The following SPEN variants were observed in gnomAD, a reference collection of about 807,000 sequenced individuals.
SPEN encodes the protein msx2-interacting protein.
In SPEN, 18 loss-of-function variants were observed where a neutral mutation model predicts 269.9. That is an observed-to-expected ratio of 0.07 (90% CI 0.05 to 0.10). SPEN has a LOEUF of 0.10. Among genes scored for constraint, SPEN ranks in the 10% least tolerant of loss-of-function variants. The pLI is 1.00. For missense variants in SPEN, 3,822 were observed against 4,631.2 expected (o/e 0.83, Z 5.07); for synonymous variants, 1,726 against 1,765.7 (o/e 0.98, Z 0.56).
chr1:15,874,116 T>C (rs757568521), intron 2 of SPEN: 4 of 1,361,996 alleles, frequency 2.9e-6, no homozygotes, highest in Non-Finnish European at 3.9e-6. Flanking sequence ...GAAATATTTA[T>C]GAATGTGGAT....
intron 6 of SPEN, among the ~76,000 whole-genome samples, chr1:15,917,129 A>G: frequency 6.6e-6 from 1 of 152,206 alleles, no homozygotes; most frequent in East Asian, 1.9e-4. Context: ...CCCTGTCTCC[A>G]AAAATAGAAG....
At chr1:15,913,891 C>T (rs1432618341) in intron 5 of SPEN, among the ~76,000 whole-genome samples, 1 of 152,068 alleles carries the variant, frequency 6.6e-6, no homozygotes, top group Non-Finnish European at 1.5e-5. Context: ...AGAAAATGCA[C>T]CAGGCAGGCC....
chr1:15,899,423 G>T (rs1160824727), intron 3 of SPEN, among the ~76,000 whole-genome samples: 1 of 151,954 alleles, frequency 6.6e-6, no homozygotes. Context: ...CAAGTGATCT[G>T]CCTGCCTCGC....
intron 5 of SPEN, among the ~76,000 whole-genome samples, chr1:15,914,620 C>T (rs1180482320): frequency 2.0e-5 from 3 of 151,958 alleles, no homozygotes; most frequent in Admixed American, 6.6e-5. Context: ...GTCAGGAGTT[C>T]GAGAGTAGCC....
At position 15,931,500 on chromosome 1, in the gene SPEN, G is replaced by A. The variant is rs1176124993; in HGVS notation, c.5260G>A (p.Asp1754Asn). Residue 1754 changes from aspartate to asparagine, a missense_variant, in exon 11 of 15, where the codon GAC becomes AAC. Physicochemically the swap from Asp to Asn is conservative, Grantham distance 23. Coordinates refer to ENST00000375759, the MANE Select transcript of SPEN (RefSeq NM_015001.3). The surrounding 1 kb of genome is among the most constrained non-coding windows in gnomAD (Gnocchi z 4.8). ...AGAGAGCAACGTAGATCCAGAGCCT[G>A]ACAGTACCCAGCCACTTTCAAAACC... ...QAESNVDPEP[D>N]STQPLSKPAQ... The A allele has an allele frequency of 6.2e-7, 1 of 1,614,044 alleles. No homozygotes were observed. The highest frequency in any genetic ancestry group is 1.3e-5 in the African/African-American group (1 of 74,894).
chr1:15,939,489 A>G lies in SPEN; in HGVS notation c.*62A>G, dbSNP rs2071314704. ...GGGCTCTGCAGTAAAAACAAAGGAC[A>G]ACCCAGCCAAGCAGAGGAAGAAGCT... is the stretch of plus-strand genomic sequence containing the variant. On this transcript the variant is annotated 3_prime_UTR_variant, in exon 15 of 15. Transcript: ENST00000375759. The surrounding 1 kb of genome is among the most constrained non-coding windows in gnomAD (Gnocchi z 4.1). The G allele has an allele frequency of 2.0e-6, 3 of 1,466,810 alleles. No individual in the cohort carries two copies. Among genetic ancestry groups the G allele is most frequent in the Admixed American group, 2.4e-5 (1 of 41,700 alleles). The allele number at this position is 1,466,810 out of a possible 1,614,324, so 90.9% of individuals were successfully genotyped here.
intron 11 of SPEN, among the ~76,000 whole-genome samples, chr1:15,936,675 G>A (rs993631736): frequency 4.7e-5 from 7 of 149,438 alleles, no homozygotes; most frequent in Non-Finnish European, 8.9e-5. Context: ...AGTGGCTCAC[G>A]CCTGTAATCC....
At chr1:15,898,215 TAAAA>T (rs1005034076) in intron 3 of SPEN, among the ~76,000 whole-genome samples, 1 of 139,878 alleles carries the variant, frequency 7.1e-6, no homozygotes, top group African/African-American at 2.8e-5. Context: ...GTGTGTAAAA[TAAAA>T]TTTACCATTT....
intron 3 of SPEN, among the ~76,000 whole-genome samples, chr1:15,886,427 C>T (rs1304994193): frequency 2.0e-5 from 3 of 152,174 alleles, no homozygotes; most frequent in Non-Finnish European, 2.9e-5. Flanking sequence ...TGCCACCTCC[C>T]GGAGGCTTCC....
rs2071184969 is a variant in SPEN at position 15,928,104 on chromosome 1, G to T, written c.1864G>T (p.Ala622Ser). 2.2e-5 allele frequency: 35 copies of T among 1,594,630 alleles called. No individual in the cohort carries two copies. The highest frequency in any genetic ancestry group is 2.9e-5 in the Non-Finnish European group (34 of 1,167,462). ...ATTTTTTGGCAGAGAGGAACGAAGGGCATCCTACGACTATAACCAAGATCG... is the reference window on the plus strand; with the variant it reads ...ATTTTTTGGCAGAGAGGAACGAAGGTCATCCTACGACTATAACCAAGATCG... ...MLAERREERR[A>S]SYDYNQDRTY... Residue 622 changes from alanine to serine, a missense_variant, in exon 11 of 15, where the codon GCA (alanine) becomes TCA (serine). Ala to Ser is a moderately conservative substitution (Grantham distance 99). Transcript: ENST00000375759. The surrounding 1 kb of genome is among the most constrained non-coding windows in gnomAD (Gnocchi z 5.7).
chr1:15,887,432 C>T (rs910875671), intron 3 of SPEN, among the ~76,000 whole-genome samples: 1 of 151,628 alleles, frequency 6.6e-6, no homozygotes, highest in Non-Finnish European at 1.5e-5. Context: ...CAAGCGCCCG[C>T]CACCACGCCC....
At chr1:15,921,169 T>C (rs2071114537) in intron 9 of SPEN, among the ~76,000 whole-genome samples, 186 bp downstream of exon 9, 1 of 152,126 alleles carries the variant, frequency 6.6e-6, no homozygotes, top group Admixed American at 6.5e-5. Context: ...CTACTAAAAA[T>C]ACAAGAAAAA....
intron 3 of SPEN, among the ~76,000 whole-genome samples, chr1:15,898,892 A>G (rs2070869249): frequency 1.3e-5 from 2 of 151,998 alleles, no homozygotes; most frequent in African/African-American, 4.8e-5. Flanking sequence ...AGGCTGAATA[A>G]TATTCTATTT....
chr1:15,859,305 G>A (rs1179270554), intron 1 of SPEN, among the ~76,000 whole-genome samples: 1 of 149,654 alleles, frequency 6.7e-6, no homozygotes, highest in Admixed American at 6.7e-5. Flanking sequence ...ACAGGTATGT[G>A]CCACTGCACT....
At chr1:15,862,056 CA>C (rs2070454345) in intron 1 of SPEN, among the ~76,000 whole-genome samples, 1 of 151,890 alleles carries the variant, frequency 6.6e-6, no homozygotes, top group Admixed American at 6.6e-5. Flanking sequence ...AATAAAAAAA[CA>C]AAAAACAAAA....
In SPEN at chr1:15,876,570, T is replaced by G. The variant is rs762956680; in HGVS notation, c.773T>G (p.Leu258Arg). The stretch of plus-strand genomic sequence containing the variant: ...TCTAGAAATCAGTCTCCTCAGAGAC[T>G]GGCTAGCCAAGCATCTAGACCCACA... ...SQSRNQSPQR[L>R]ASQASRPTRS... The change falls in exon 3 of 15, where the codon CTG becomes CGG. Residue 258 changes from leucine to arginine, a missense_variant. By Grantham distance (102) the Leu-to-Arg change is moderately radical. Coordinates refer to ENST00000375759, the MANE Select transcript of SPEN (RefSeq NM_015001.3). The G allele has an allele frequency of 6.2e-7, 1 of 1,614,014 alleles. No homozygotes were observed. The highest frequency in any genetic ancestry group is 1.1e-5 in the South Asian group (1 of 91,080).
chr1:15,935,213 C>T lies in SPEN; in HGVS notation c.8973C>T (p.Pro2991=). ...CGCCCCACCACCCTCCTGCTCTGCC[C>T]AGCAAACTGCCTACAGAAGTCAACC... ...TLTPHHPPAL[P]SKLPTEVNHV... Residue 2991 remains proline (P), a synonymous_variant, in exon 11 of 15, where the codon CCC becomes CCT. Transcript: ENST00000375759. The surrounding 1 kb of genome is among the most constrained non-coding windows in gnomAD (Gnocchi z 7.7). 6.2e-7 allele frequency: 1 copy of T among 1,614,146 alleles called. No individual in the cohort carries two copies. The highest frequency in any genetic ancestry group is 8.5e-7 in the Non-Finnish European group (1 of 1,180,016).
chr1:15,884,129 A>T (rs2070714819), intron 3 of SPEN, among the ~76,000 whole-genome samples: 1 of 152,068 alleles, frequency 6.6e-6, no homozygotes, highest in Non-Finnish European at 1.5e-5. Context: ...GGTTAACAGT[A>T]ATTAGAATAT....
rs541126378 is a variant in SPEN, at chr1:15,931,173, G to T, written c.4933G>T (p.Val1645Leu). The T allele has an allele frequency of 8.7e-6, 14 of 1,614,174 alleles. No individual in the cohort carries two copies. In the South Asian group the frequency reaches 1.4e-4, roughly 16 times the overall value. Residue 1645 changes from valine to leucine, a missense_variant, in exon 11 of 15, where the codon GTA becomes TTA. By Grantham distance (32) the Val-to-Leu change is conservative. Coordinates refer to ENST00000375759, the MANE Select transcript of SPEN (RefSeq NM_015001.3). This position sits in a 1 kb window ranked among gnomAD's most constrained non-coding sequence, Gnocchi z 4.8. ...CGTTGGGCCTCCAAGTGTCACAGTC[G>T]TAACTCTAGAATCAGCCCCATCAGC... Reference protein sequence around the residue: ...PSVGPPSVTVVTLESAPSALE... With the variant: ...PSVGPPSVTVLTLESAPSALE...
Sources: gnomAD v4.1 joint callset for allele counts (sites outside exome capture counted in the v4.1 genomes callset) on GRCh38, gnomAD v4.1.1 for gene constraint, Gnocchi (gnomAD v3.1) non-coding constraint, MANE v1.5 for transcripts, NCBI Gene and HGNC (gene_info 2026-07-23, HGNC 2026-07-21) for gene names.